The following KIZ variants were observed in gnomAD, a reference collection of about 807,000 sequenced individuals.
KIZ encodes the protein kizuna centrosomal protein.
In KIZ, 68 loss-of-function variants were observed where a neutral mutation model predicts 79.6. The observed-to-expected ratio is 0.85, with a 90% confidence interval of 0.70 to 1.05. KIZ has a LOEUF of 1.05. KIZ is among the 50% of genes least tolerant of loss of function. The pLI is 0.00. For synonymous variants in KIZ, 280 were observed against 281.8 expected (o/e 0.99, Z 0.06); for missense variants, 797 against 800.4 (o/e 1.00, Z 0.05).
intron 8 of KIZ, 85 bp from the exon 9 acceptor site, chr20:21,215,498 T>C (rs1300922652): frequency 3.2e-6 from 2 of 633,498 alleles, no homozygotes; most frequent in African/African-American, 1.9e-5. Context: ...AAAAAAAAAG[T>C]GAACATAAAG....
At chr20:21,236,142 G>A (rs2036999231) in intron 11 of KIZ, among the ~76,000 whole-genome samples, 1 of 152,174 alleles carries the variant, frequency 6.6e-6, no homozygotes, top group South Asian at 2.1e-4. Context: ...AAGAACAATC[G>A]CTTGATTATT....
chr20:21,149,814 C>T (rs1003851604), intron 4 of KIZ, among the ~76,000 whole-genome samples: 2 of 152,162 alleles, frequency 1.3e-5, no homozygotes, highest in African/African-American at 4.8e-5. Flanking sequence ...ATAAATATTG[C>T]AGCAAGGGAG....
chr20:21,193,217 C>A (rs1320055385), intron 6 of KIZ, among the ~76,000 whole-genome samples: 1 of 152,092 alleles, frequency 6.6e-6, no homozygotes, highest in African/African-American at 2.4e-5. Context: ...GATTGCTATT[C>A]CTTGGAGAAA....
chr20:21,232,869 A>T, intron 11 of KIZ, 39 bp downstream of exon 11: 1 of 837,950 alleles, frequency 1.2e-6, no homozygotes, highest in Non-Finnish European at 2.0e-6. Flanking sequence ...CAGCAACAAG[A>T]TGAGAAATGT....
chr20:21,184,457 T>C (rs1416140526), intron 6 of KIZ, among the ~76,000 whole-genome samples: 1 of 152,204 alleles, frequency 6.6e-6, no homozygotes, highest in Non-Finnish European at 1.5e-5. Flanking sequence ...GTCCCCTGAC[T>C]TCATTACTGC....
rs768810014 is a variant in KIZ, at chr20:21,215,596, C to T, written c.1626C>T (p.Gly542=). 1 of 1,599,228 alleles carries T rather than the reference C, an allele frequency of 6.3e-7. No homozygotes were observed. Among genetic ancestry groups the T allele is most frequent in the African/African-American group, 1.3e-5 (1 of 74,604 alleles). The change falls in exon 9 of 13, where the codon GGC becomes GGT. Residue 542 remains glycine, a synonymous_variant. Coordinates refer to ENST00000619189, the MANE Select transcript of KIZ (RefSeq NM_018474.6). ...VPTREQEVSS[G]CGDKSKKENV... is the part of the protein sequence containing the mutation. ...TTCAATTTTTAGAAGTTTCAAGTGGCTGTGGAGACAAGAGCAAGAAAGAAA... is the reference window on the plus strand; with the variant it reads ...TTCAATTTTTAGAAGTTTCAAGTGGTTGTGGAGACAAGAGCAAGAAAGAAA...
chr20:21,172,858 C>G (rs1433499823), intron 6 of KIZ, among the ~76,000 whole-genome samples: 2 of 152,124 alleles, frequency 1.3e-5, no homozygotes, highest in Admixed American at 6.6e-5. Context: ...CTTCTCTCCT[C>G]TGGGAGAGAG....
At position 21,244,225 on chromosome 20, in the gene KIZ, A is replaced by T. The variant is rs147145043; in HGVS notation, c.1881-20A>T. ...TTGTCTTTTCTTTTTCAGAACTTAGACTGTTTCTTTATTTTGCAGGCATGA... is the reference window on the plus strand; with the variant it reads ...TTGTCTTTTCTTTTTCAGAACTTAGTCTGTTTCTTTATTTTGCAGGCATGA... On this transcript the variant is annotated intron_variant, in intron 11 of 12. Transcript: ENST00000619189. 273 of 1,556,750 alleles carry T rather than the reference A, an allele frequency of 1.8e-4. 2 individuals carry two copies. In the East Asian group the frequency reaches 5.6e-3, roughly 32 times the overall value.
intron 4 of KIZ, among the ~76,000 whole-genome samples, chr20:21,159,967 C>T (rs1472399652): frequency 6.6e-6 from 1 of 152,204 alleles, no homozygotes; most frequent in Non-Finnish European, 1.5e-5. Context: ...TTTATATTCC[C>T]ATCAGCAGTG....
At chr20:21,219,151 C>G (rs561934071) in intron 9 of KIZ, among the ~76,000 whole-genome samples, 1 of 143,676 alleles carries the variant, frequency 7.0e-6, no homozygotes, top group African/African-American at 2.6e-5. Context: ...CACAGTAGCT[C>G]TTTAAATATT....
In KIZ at chr20:21,162,706, A is replaced by G. The variant is rs905261752; in HGVS notation, c.1043-144A>G. The stretch of plus-strand genomic sequence containing the variant: ...ACTGTGATTTTTTTAAACATTTGAA[A>G]ACGTGTTTAAGCTTTTAAGTTCCGT... On this transcript the variant is annotated intron_variant, in intron 5 of 12. Transcript: ENST00000619189. The G allele has an allele frequency of 5.1e-5, 42 of 824,628 alleles. No homozygotes were observed. In the Middle Eastern group the frequency reaches 1.4e-3, roughly 28 times the overall value. The allele number at this position is 824,628 out of a possible 1,614,324, so 51.1% of individuals were successfully genotyped here.
intron 11 of KIZ, among the ~76,000 whole-genome samples, chr20:21,237,092 A>G (rs1252881883): frequency 6.6e-6 from 1 of 151,974 alleles, no homozygotes; most frequent in African/African-American, 2.4e-5. Flanking sequence ...GCCTGCAGTC[A>G]GGAGTTCGAG....
intron 3 of KIZ, among the ~76,000 whole-genome samples, chr20:21,141,187 C>T (rs2032504293): frequency 6.6e-6 from 1 of 152,076 alleles, no homozygotes; most frequent in Admixed American, 6.6e-5. Context: ...CTCAGGTCCC[C>T]ATTATCCTTG....
Position 21,201,214 on chromosome 20 carries a change from C to G in KIZ, c.1353-4277C>G, listed in dbSNP as rs530390100. On this transcript the variant is annotated intron_variant, in intron 6 of 12. Transcript: ENST00000619189. ...AACAAAAAGTCATATGCAAAGTTTA[C>G]TATTATCATGTGGAAGACCAAGCTA... Among the ~76,000 whole-genome samples, 3 of 152,140 alleles carry G rather than the reference C, an allele frequency of 2.0e-5. No homozygotes were observed. In the South Asian group the frequency reaches 6.2e-4, roughly 32 times the overall value.
chr20:21,218,985 C>A (rs75825417), intron 9 of KIZ, among the ~76,000 whole-genome samples: 1 of 152,098 alleles, frequency 6.6e-6, no homozygotes, highest in Non-Finnish European at 1.5e-5. Context: ...TCCTTCTGTG[C>A]GTCTTTATTT....
chr20:21,155,421 A>C (rs2033330269), intron 4 of KIZ, among the ~76,000 whole-genome samples: 1 of 152,030 alleles, frequency 6.6e-6, no homozygotes, highest in African/African-American at 2.4e-5. Flanking sequence ...CAATCAAAAA[A>C]GACAACATAT....
chr20:21,146,902 T>C (rs2032876468), intron 4 of KIZ, among the ~76,000 whole-genome samples: 1 of 152,200 alleles, frequency 6.6e-6, no homozygotes, highest in African/African-American at 2.4e-5. Context: ...CCAGCAACCT[T>C]GACCTATATA....
At chr20:21,241,494 ACAATTAATTCACATTT>A (rs2037215320) in intron 11 of KIZ, among the ~76,000 whole-genome samples, 1 of 152,348 alleles carries the variant, frequency 6.6e-6, no homozygotes, top group East Asian at 1.9e-4. Flanking sequence ...GAACGATTAC[ACAATTAATTCACATTT>A]CACTAGGATG....
intron 9 of KIZ, among the ~76,000 whole-genome samples, chr20:21,219,370 T>G (rs2036425857): frequency 6.6e-6 from 1 of 151,524 alleles, no homozygotes; most frequent in Non-Finnish European, 1.5e-5. Context: ...CAGGCTGGAG[T>G]GCATTGTTGT....
Sources: allele counts gnomAD v4.1 joint callset (sites outside exome capture counted in the v4.1 genomes callset), GRCh38; gene constraint gnomAD v4.1.1; transcripts MANE v1.5; gene names NCBI Gene and HGNC (gene_info 2026-07-23, HGNC 2026-07-21).